Variants in ETS1 observed in about 807,000 individuals in gnomAD.
ETS1 encodes the protein protein C-ets-1.
ETS1 carries 15 observed loss-of-function variants against 58.6 expected under a neutral mutation model. That is an observed-to-expected ratio of 0.26 (90% CI 0.17 to 0.39). ETS1 has a LOEUF of 0.39. Among genes scored for constraint, ETS1 ranks in the 10% least tolerant of loss-of-function variants. The pLI, the probability that ETS1 is intolerant of heterozygous loss-of-function variation, is 1.00. For missense variants in ETS1, 417 were observed against 610.5 expected (o/e 0.68, Z 3.34); for synonymous variants, 214 against 218.2 (o/e 0.98, Z 0.17).
intron 2 of ETS1, among the ~76,000 whole-genome samples, chr11:128,572,810 G>C (rs1487590963): frequency 2.6e-5 from 4 of 152,144 alleles, no homozygotes; most frequent in Non-Finnish European, 5.9e-5. Flanking sequence ...CATCATATTT[G>C]AGTCATTTCT....
intron 3 of ETS1, among the ~76,000 whole-genome samples, chr11:128,512,185 C>CA (rs1383644604): frequency 2.0e-5 from 3 of 152,192 alleles, no homozygotes; most frequent in Non-Finnish European, 4.4e-5. Flanking sequence ...CGTTTAATCT[C>CA]AGTTTCTTCA....
chr11:128,522,299 GCT>G, intron 3 of ETS1: 1 of 1,084,672 alleles, frequency 9.2e-7, no homozygotes, highest in Non-Finnish European at 1.1e-6. Flanking sequence ...TGCCTCGTTC[GCT>G]CTCGATCTCC....
intron 3 of ETS1, among the ~76,000 whole-genome samples, chr11:128,491,871 G>A (rs1862810854): frequency 6.6e-6 from 1 of 152,206 alleles, no homozygotes; most frequent in Non-Finnish European, 1.5e-5. Context: ...ATTTGCAAAT[G>A]TATCATCATT....
intron 3 of ETS1, among the ~76,000 whole-genome samples, chr11:128,532,945 G>A (rs544528588): frequency 6.6e-6 from 1 of 152,120 alleles, no homozygotes; most frequent in East Asian, 1.9e-4. Context: ...TAAATAACAC[G>A]CCTCTCTCCC....
At chr11:128,470,367 G>A (rs1208624511) in intron 8 of ETS1, among the ~76,000 whole-genome samples, 5 of 152,188 alleles carry the variant, frequency 3.3e-5, no homozygotes, top group African/African-American at 4.8e-5. Flanking sequence ...TTGAGGGTAC[G>A]AGGCTTTGAT....
At chr11:128,543,794 C>G (rs929240136) in intron 3 of ETS1, among the ~76,000 whole-genome samples, 1 of 152,118 alleles carries the variant, frequency 6.6e-6, no homozygotes, top group Non-Finnish European at 1.5e-5. Context: ...TCTGAAATAT[C>G]CTGAAAGATA....
intron 1 of ETS1, among the ~76,000 whole-genome samples, chr11:128,584,233 C>T (rs539434761): frequency 6.6e-6 from 1 of 152,274 alleles, no homozygotes; most frequent in Admixed American, 6.5e-5. Context: ...TCCACAGATA[C>T]CACTTCAGAA....
At position 128,480,289 on chromosome 11, in the gene ETS1, T is replaced by C. The variant is rs767112761; in HGVS notation, c.1025A>G (p.His342Arg). ...GTCCTTGAAGGTGCCCTTGGGCTTG[T>C]GGTTGGGCAGGGCAGCCGGATAGTC... is the stretch of plus-strand genomic sequence containing the variant. ...SEDYPAALPN[H>R]KPKGTFKDYV... Residue 342 changes from histidine (H) to arginine (R), a missense_variant, in exon 8 of 10, where the codon CAC becomes CGC. This residue lies in a region of ETS1 where 139 missense variants were observed against 152.1 expected (regional missense o/e 0.91). Transcript: ENST00000392668. The C allele has an allele frequency of 6.2e-7, 1 of 1,613,950 alleles. No homozygotes were observed. Among genetic ancestry groups the C allele is most frequent in the Non-Finnish European group, 8.5e-7 (1 of 1,179,960 alleles).
intron 3 of ETS1, among the ~76,000 whole-genome samples, chr11:128,497,763 C>A (rs1322172513): frequency 1.3e-5 from 2 of 152,216 alleles, no homozygotes; most frequent in South Asian, 4.1e-4. Flanking sequence ...GGATTTATTT[C>A]TTTCCTACCT....
Position 128,490,576 on chromosome 11 carries a change from T to C in ETS1, c.215A>G (p.Asp72Gly), listed in dbSNP as rs748336743. 1.2e-5 allele frequency: 20 copies of C among 1,609,848 alleles called. No individual in the cohort carries two copies. Among genetic ancestry groups the C allele is most frequent in the Admixed American group, 1.7e-5 (1 of 59,754 alleles). The change falls in exon 4 of 10, where the codon GAT becomes GGT. Residue 72 changes from aspartate to glycine, a missense_variant and splice_region_variant. Around this residue, in one of 4 missense-constraint regions of ETS1, gnomAD observed 90 missense variants for 90.3 expected, o/e 1.00. Coordinates refer to ENST00000392668, the MANE Select transcript of ETS1 (RefSeq NM_001143820.2). ...TAGTGGGACATCTGCACATTCCATA[T>C]CTGCATGAAAAAATTGCATATGAAT... ...VPTGLEHCVS[D>G]MECADVPLLT...
At chr11:128,505,515 A>G (rs1329180259) in intron 3 of ETS1, 1 of 152,202 alleles carries the variant, frequency 6.6e-6, no homozygotes, top group Non-Finnish European at 1.5e-5. Flanking sequence ...CTTCTCTTTA[A>G]TGGCCCCAAA....
At chr11:128,466,569 C>T (rs1405829460) in intron 8 of ETS1, among the ~76,000 whole-genome samples, 1 of 152,182 alleles carries the variant, frequency 6.6e-6, no homozygotes, top group Admixed American at 6.5e-5. Flanking sequence ...AAATGTCAAG[C>T]AGTCATAGGC....
chr11:128,500,978 CACA>C (rs773613639), intron 3 of ETS1, among the ~76,000 whole-genome samples: 5 of 152,334 alleles, frequency 3.3e-5, no homozygotes, highest in African/African-American at 4.8e-5. Flanking sequence ...AATGATTAGA[CACA>C]ACGAGTTTAA....
intron 2 of ETS1, among the ~76,000 whole-genome samples, chr11:128,563,484 C>T (rs1230235306): frequency 2.6e-5 from 4 of 152,198 alleles, no homozygotes; most frequent in Non-Finnish European, 5.9e-5. Context: ...TGGGCTATTC[C>T]TTAACCTCTC....
intron 1 of ETS1, among the ~76,000 whole-genome samples, chr11:128,574,737 C>T (rs1430989774): frequency 3.9e-5 from 6 of 152,150 alleles, no homozygotes; most frequent in African/African-American, 1.2e-4. Context: ...AAGTGTTCCT[C>T]GTTTTTACTC....
intron 3 of ETS1, among the ~76,000 whole-genome samples, chr11:128,525,419 A>G (rs920408339): frequency 6.6e-6 from 1 of 152,188 alleles, no homozygotes; most frequent in Non-Finnish European, 1.5e-5. Flanking sequence ...CATGGAAGAC[A>G]GACTTTCCCT....
At chr11:128,509,331 T>C (rs1012540806) in intron 3 of ETS1, among the ~76,000 whole-genome samples, 4 of 152,252 alleles carry the variant, frequency 2.6e-5, no homozygotes, top group Non-Finnish European at 4.4e-5. Flanking sequence ...AATGTCCCTC[T>C]TGCATCAAGT....
intron 8 of ETS1, among the ~76,000 whole-genome samples, chr11:128,477,267 A>G (rs1315723296): frequency 6.6e-6 from 1 of 152,232 alleles, no homozygotes; most frequent in Non-Finnish European, 1.5e-5. Context: ...GGAGCAATCA[A>G]ATTTTAAGGG....
chr11:128,504,154 T>TA (rs1863164651), intron 3 of ETS1, among the ~76,000 whole-genome samples: 4 of 152,226 alleles, frequency 2.6e-5, no homozygotes, highest in African/African-American at 9.6e-5. Flanking sequence ...TTATGCTCCC[T>TA]AAACCATTAC....
Sources: gnomAD v4.1 joint callset for allele counts (sites outside exome capture counted in the v4.1 genomes callset) on GRCh38, gnomAD v4.1.1 for gene constraint, gnomAD v4.1.1 regional missense constraint, MANE v1.5 for transcripts, NCBI Gene and HGNC (gene_info 2026-07-23, HGNC 2026-07-21) for gene names.